The following SUGCT variants were observed in gnomAD, a reference collection of about 807,000 sequenced individuals.
SUGCT encodes the protein succinyl-CoA:glutarate-CoA transferase.
In SUGCT, 41 loss-of-function variants were observed where a neutral mutation model predicts 55.0. The ratio of observed to expected loss-of-function variants is 0.74; its 90% CI spans 0.58 to 0.97. The LOEUF is 0.97. SUGCT is among the 50% of genes least tolerant of loss of function. The pLI, the probability that SUGCT is intolerant of heterozygous loss-of-function variation, is 0.00. For missense variants in SUGCT, 568 were observed against 547.8 expected, an observed-to-expected ratio of 1.04 and a Z score of -0.37; for synonymous variants, 187 against 200.4, an observed-to-expected ratio of 0.93 and a Z score of 0.56.
intron 12 of SUGCT, among the ~76,000 whole-genome samples, chr7:40,607,788 T>C (rs1234155785): frequency 6.6e-6 from 1 of 152,212 alleles, no homozygotes. Context: ...GGGAGAAAAG[T>C]ATCCATTTTA....
chr7:40,696,102 G>C (rs1264972200), intron 12 of SUGCT, among the ~76,000 whole-genome samples: 1 of 152,152 alleles, frequency 6.6e-6, no homozygotes, highest in Non-Finnish European at 1.5e-5. Context: ...CATCTGCCAT[G>C]TATACTGTGT....
At chr7:40,866,019 A>C in the SUGCT span, among the ~76,000 whole-genome samples, 1 of 152,122 alleles carries the variant, frequency 6.6e-6, no homozygotes, top group Non-Finnish European at 1.5e-5. Flanking sequence ...GCTCCTGACC[A>C]CATAGATTGG....
chr7:40,968,984 C>T, the SUGCT span, among the ~76,000 whole-genome samples: 1 of 152,228 alleles, frequency 6.6e-6, no homozygotes. Flanking sequence ...CACCCAGAAG[C>T]CCCTGAGGCT....
At chr7:40,527,769 A>T (rs563776238) in intron 12 of SUGCT, among the ~76,000 whole-genome samples, 1 of 152,324 alleles carries the variant, frequency 6.6e-6, no homozygotes, top group African/African-American at 2.4e-5. Flanking sequence ...ATTCATGCTT[A>T]AAAATGTCAA....
chr7:40,890,287 TA>T, the SUGCT span, among the ~76,000 whole-genome samples: 2 of 134,760 alleles, frequency 1.5e-5, no homozygotes, highest in African/African-American at 5.6e-5. Flanking sequence ...TAAATATTTA[TA>T]TTATATAATA....
intron 13 of SUGCT, among the ~76,000 whole-genome samples, chr7:40,812,049 G>T (rs888301729): frequency 4.1e-4 from 62 of 152,048 alleles, no homozygotes; most frequent in Non-Finnish European, 9.0e-4. Flanking sequence ...TGTTTATGTG[G>T]TGAAGCACAT....
the SUGCT span, among the ~76,000 whole-genome samples, chr7:40,986,617 G>C: frequency 6.6e-6 from 1 of 152,168 alleles, no homozygotes. Context: ...GTAATTCTAA[G>C]GAAAACATTA....
At chr7:40,953,621 T>C in the SUGCT span, among the ~76,000 whole-genome samples, 1 of 152,124 alleles carries the variant, frequency 6.6e-6, no homozygotes, top group Non-Finnish European at 1.5e-5. Context: ...GACATACAGG[T>C]GGGGTTTTGG....
intron 9 of SUGCT, among the ~76,000 whole-genome samples, chr7:40,318,619 T>A (rs1424958148): frequency 6.6e-6 from 1 of 152,216 alleles, no homozygotes; most frequent in African/African-American, 2.4e-5. Flanking sequence ...GTATTTTTAG[T>A]AGAGACAGGG....
the SUGCT span, among the ~76,000 whole-genome samples, chr7:40,906,344 G>A: frequency 2.0e-5 from 3 of 152,014 alleles, no homozygotes; most frequent in African/African-American, 7.2e-5. Context: ...AGAGAGAACT[G>A]GGGAAACATT....
At chr7:40,711,137 CAGG>C (rs1262109328) in intron 12 of SUGCT, among the ~76,000 whole-genome samples, 2 of 152,212 alleles carry the variant, frequency 1.3e-5, no homozygotes, top group Non-Finnish European at 2.9e-5. Flanking sequence ...GTGAGAAACT[CAGG>C]AGAAGTGACC....
At chr7:40,290,310 A>G (rs1432856513) in intron 8 of SUGCT, among the ~76,000 whole-genome samples, 1 of 152,220 alleles carries the variant, frequency 6.6e-6, no homozygotes, top group Non-Finnish European at 1.5e-5. Context: ...AAACAGAGAT[A>G]GAGATCAATG....
At chr7:40,871,601 G>C in the SUGCT span, among the ~76,000 whole-genome samples, 104 of 152,262 alleles carry the variant, frequency 6.8e-4, no homozygotes, top group Middle Eastern at 6.8e-3. Flanking sequence ...AATACATAAT[G>C]AATTGTAAAC....
intron 1 of SUGCT, among the ~76,000 whole-genome samples, chr7:40,173,439 T>C (rs1310975328): frequency 1.3e-5 from 2 of 152,170 alleles, no homozygotes; most frequent in African/African-American, 4.8e-5. Flanking sequence ...CAGAAGAGTG[T>C]GCAGTTGCAA....
At chr7:40,737,974 C>G (rs184791856) in intron 12 of SUGCT, among the ~76,000 whole-genome samples, 1 of 151,236 alleles carries the variant, frequency 6.6e-6, no homozygotes, top group African/African-American at 2.4e-5. Flanking sequence ...CCTATAATCG[C>G]GCAGATCACG....
intron 8 of SUGCT, among the ~76,000 whole-genome samples, chr7:40,286,500 T>C (rs1378161498): frequency 6.6e-6 from 1 of 152,194 alleles, no homozygotes; most frequent in Non-Finnish European, 1.5e-5. Flanking sequence ...GGCATATTCA[T>C]AGGTTCTGGG....
the SUGCT span, among the ~76,000 whole-genome samples, chr7:40,922,476 T>C: frequency 6.6e-6 from 1 of 152,178 alleles, no homozygotes; most frequent in Non-Finnish European, 1.5e-5. Context: ...GCTTGACTCA[T>C]GGGGCAGGGT....
At chr7:40,974,481 G>A in the SUGCT span, among the ~76,000 whole-genome samples, 1 of 152,214 alleles carries the variant, frequency 6.6e-6, no homozygotes, top group African/African-American at 2.4e-5. Context: ...CCATCCACAA[G>A]TTAAGACAAG....
chr7:40,219,009 T>A (rs1787856056), intron 6 of SUGCT, among the ~76,000 whole-genome samples: 1 of 152,220 alleles, frequency 6.6e-6, no homozygotes, highest in Non-Finnish European at 1.5e-5. Flanking sequence ...CTACTCACTC[T>A]TTGGGTCCGC....
Sources: gnomAD v4.1 joint callset for allele counts (sites outside exome capture counted in the v4.1 genomes callset) on GRCh38, gnomAD v4.1.1 for gene constraint, MANE v1.5 for transcripts, NCBI Gene and HGNC (gene_info 2026-07-23, HGNC 2026-07-21) for gene names.